Variants in SLC35F3 observed in about 807,000 individuals in gnomAD.
SLC35F3 encodes the protein solute carrier family 35 member F3.
A neutral mutation model predicts 49.9 loss-of-function variants in SLC35F3; 25 were observed. That is an observed-to-expected ratio of 0.50 (90% CI 0.37 to 0.70). The LOEUF (loss-of-function observed/expected upper bound fraction) is 0.70, where lower values mean the gene tolerates loss of function less well. SLC35F3 is among the 30% of genes least tolerant of loss of function. The pLI, the probability that SLC35F3 is intolerant of heterozygous loss-of-function variation, is 0.00. For missense variants in SLC35F3, 525 were observed against 639.8 expected (o/e 0.82, Z 1.94); for synonymous variants, 275 against 265.4 (o/e 1.04, Z -0.35).
At chr1:234,311,842 G>A (rs1395050571) in intron 4 of SLC35F3, among the ~76,000 whole-genome samples, 3 of 152,210 alleles carry the variant, frequency 2.0e-5, no homozygotes, top group East Asian at 3.9e-4. Context: ...CAAGTGACGA[G>A]GTCACAGATC....
intron 2 of SLC35F3, among the ~76,000 whole-genome samples, chr1:234,081,923 T>TC (rs1454516765): frequency 3.2e-4 from 41 of 129,332 alleles, no homozygotes; most frequent in Non-Finnish European, 5.0e-4. Context: ...TTTTTTTTTT[T>TC]TTTTTTTTTT....
chr1:234,162,653 C>T (rs1380619637), intron 2 of SLC35F3, among the ~76,000 whole-genome samples: 1 of 152,126 alleles, frequency 6.6e-6, no homozygotes, highest in Non-Finnish European at 1.5e-5. Flanking sequence ...GCAGATTTCT[C>T]TTTACTTGAC....
At chr1:234,232,225 TG>T (rs1391425671) in intron 3 of SLC35F3, among the ~76,000 whole-genome samples, 1 of 152,184 alleles carries the variant, frequency 6.6e-6, no homozygotes, top group Non-Finnish European at 1.5e-5. Flanking sequence ...TGTAATTGCA[TG>T]GGTCTGAATA....
chr1:234,308,971 T>C (rs1481580798), intron 3 of SLC35F3, 130 bp from the exon 4 acceptor site: 2 of 661,958 alleles, frequency 3.0e-6, no homozygotes, highest in East Asian at 2.7e-5. Context: ...AGATGTTTAT[T>C]AAAAATAATA....
chr1:234,287,243 C>T (rs902578081), intron 3 of SLC35F3, among the ~76,000 whole-genome samples: 3 of 152,120 alleles, frequency 2.0e-5, no homozygotes, highest in African/African-American at 7.2e-5. Context: ...GTTAATTATA[C>T]AGCAGCCAGA....
At position 234,320,409 on chromosome 1, in the gene SLC35F3, G is replaced by A. The variant is rs1019545554; in HGVS notation, c.1237+222G>A. 2.0e-5 allele frequency among the ~76,000 whole-genome samples: 3 copies of A among 151,986 alleles called. No homozygotes were observed. The highest frequency in any genetic ancestry group is 7.3e-5 in the African/African-American group (3 of 41,354). On this transcript the variant is annotated intron_variant, in intron 7 of 7. Coordinates refer to ENST00000366618, the MANE Select transcript of SLC35F3 (RefSeq NM_173508.4). The surrounding 1 kb of genome is among the most constrained non-coding windows in gnomAD (Gnocchi z 4.8). ...TGTTTAACTGTCTGCCAAAAAAAAA[G>A]CATTTAGGTGAAATGTTGCTATTAG...
intron 3 of SLC35F3, among the ~76,000 whole-genome samples, chr1:234,267,671 C>T (rs1375842672): frequency 1.1e-4 from 16 of 151,446 alleles, no homozygotes; most frequent in Admixed American, 9.2e-4. Context: ...GGGCGGCTGC[C>T]GGGCGGAGAC....
chr1:234,161,337 C>T (rs766237285), intron 2 of SLC35F3, among the ~76,000 whole-genome samples: 52 of 152,244 alleles, frequency 3.4e-4, no homozygotes, highest in African/African-American at 7.2e-4. Flanking sequence ...GATTCTGGGG[C>T]GAGGATTTTA....
chr1:234,112,177 A>C (rs1665416909), intron 2 of SLC35F3, among the ~76,000 whole-genome samples: 1 of 152,150 alleles, frequency 6.6e-6, no homozygotes, highest in African/African-American at 2.4e-5. Context: ...CTTTACAAAA[A>C]AATAAAAATA....
chr1:234,005,965 T>C (rs1663624890), intron 2 of SLC35F3, among the ~76,000 whole-genome samples: 1 of 152,206 alleles, frequency 6.6e-6, no homozygotes, highest in Admixed American at 6.5e-5. Flanking sequence ...CTCTGGGAGA[T>C]GAGCACATTG....
intron 2 of SLC35F3, among the ~76,000 whole-genome samples, chr1:234,227,688 G>A (rs1433152906): frequency 2.0e-5 from 3 of 152,008 alleles, no homozygotes; most frequent in Non-Finnish European, 2.9e-5. Context: ...GTGAGCCACC[G>A]TGCCCGGCCG....
At chr1:234,253,460 A>AAG (rs1667769323) in intron 3 of SLC35F3, among the ~76,000 whole-genome samples, 1 of 151,856 alleles carries the variant, frequency 6.6e-6, no homozygotes, top group South Asian at 2.1e-4. Flanking sequence ...TTGAATTTAA[A>AAG]AAAAAAAAGG....
chr1:234,152,090 G>A (rs956257496), intron 2 of SLC35F3, among the ~76,000 whole-genome samples: 2 of 146,272 alleles, frequency 1.4e-5, no homozygotes, highest in Non-Finnish European at 3.0e-5. Context: ...AGTTATGGGA[G>A]TTTAGAGAAA....
At chr1:233,980,182 T>C (rs1009958813) in intron 2 of SLC35F3, among the ~76,000 whole-genome samples, 5 of 152,180 alleles carry the variant, frequency 3.3e-5, no homozygotes, top group Non-Finnish European at 7.3e-5. Context: ...ACTTTGGTGT[T>C]GGGAAGAATG....
intron 2 of SLC35F3, among the ~76,000 whole-genome samples, chr1:234,028,815 G>A (rs1664015731): frequency 6.6e-6 from 1 of 152,126 alleles, no homozygotes; most frequent in South Asian, 2.1e-4. Flanking sequence ...CTCTGAGGTG[G>A]GAGGAGTTTG....
chr1:234,194,353 A>G (rs1282782845), intron 2 of SLC35F3, among the ~76,000 whole-genome samples: 2 of 152,212 alleles, frequency 1.3e-5, no homozygotes, highest in African/African-American at 4.8e-5. Context: ...AATGAAAACA[A>G]CAAACATCGC....
chr1:234,228,212 C>A (rs1471669825), intron 2 of SLC35F3, among the ~76,000 whole-genome samples: 2 of 152,178 alleles, frequency 1.3e-5, no homozygotes, highest in Non-Finnish European at 2.9e-5. Flanking sequence ...ATCCTCACTG[C>A]CCCTCCAGGT....
chr1:234,107,175 C>T (rs1483522852), intron 2 of SLC35F3, among the ~76,000 whole-genome samples: 1 of 152,208 alleles, frequency 6.6e-6, no homozygotes, highest in East Asian at 1.9e-4. Context: ...GGTGGTGCCA[C>T]TTGCCTCCCA....
At chr1:234,152,586 C>T (rs1558243775) in intron 2 of SLC35F3, among the ~76,000 whole-genome samples, 1 of 152,070 alleles carries the variant, frequency 6.6e-6, no homozygotes, top group African/African-American at 2.4e-5. Flanking sequence ...CATAGTATTC[C>T]GTGGTGTATA....
Sources: gnomAD v4.1 joint callset for allele counts (sites outside exome capture counted in the v4.1 genomes callset) on GRCh38, gnomAD v4.1.1 for gene constraint, Gnocchi (gnomAD v3.1) non-coding constraint, MANE v1.5 for transcripts, NCBI Gene and HGNC (gene_info 2026-07-23, HGNC 2026-07-21) for gene names.